ROBO2: variants seen among roughly 807,000 people sequenced by gnomAD.
ROBO2 encodes the protein roundabout homolog 2.
ROBO2 carries 53 observed loss-of-function variants against 160.8 expected under a neutral mutation model. The observed-to-expected ratio is 0.33, with a 90% CI of 0.26 to 0.41. The LOEUF (loss-of-function observed/expected upper bound fraction) is 0.41, where lower values mean the gene tolerates loss of function less well. Ranked by LOEUF, ROBO2 falls within the 10% of genes least tolerant of loss-of-function variation. The pLI is 1.00. For synonymous variants in ROBO2, 664 were observed against 611.7 expected (o/e 1.09, Z -1.26); for missense variants, 1,577 against 1,722.4 (o/e 0.92, Z 1.49).
chr3:76,843,584 A>T lies in ROBO2; in HGVS notation c.110-254430A>T, dbSNP rs182176994. Among the ~76,000 whole-genome samples the T allele has an allele frequency of 2.0e-5, 3 of 152,144 alleles. No individual in the cohort carries two copies. The East Asian group carries it at 5.8e-4, about 29-fold the overall frequency. ...TTATTTAGATTTGCATGATTTTTAC[A>T]TCAAAACTTTGGTAGTACTTTCAAG... On this transcript the variant is annotated intron_variant, in intron 2 of 26. Coordinates refer to the ROBO2 transcript ENST00000487694.
intron 2 of ROBO2, among the ~76,000 whole-genome samples, chr3:77,366,898 C>G (rs1052117848): frequency 3.4e-5 from 5 of 146,280 alleles, no homozygotes; most frequent in African/African-American, 1.3e-4. Flanking sequence ...ACAGCACCCC[C>G]CCGACACTCA....
At chr3:77,075,461 C>T (rs188084345) in intron 1 of ROBO2, among the ~76,000 whole-genome samples, 72 of 152,066 alleles carry the variant, frequency 4.7e-4, no homozygotes, top group African/African-American at 1.7e-3. Flanking sequence ...AGACTTGAAG[C>T]GGGGTAGGGT....
intron 2 of ROBO2, among the ~76,000 whole-genome samples, chr3:76,864,448 C>T (rs540498601): frequency 2.0e-5 from 3 of 151,752 alleles, no homozygotes; most frequent in Non-Finnish European, 4.4e-5. Flanking sequence ...CATGAGAATC[C>T]CATCGTTTCT....
At chr3:76,632,881 TAAC>T (rs1560273397) in intron 2 of ROBO2, among the ~76,000 whole-genome samples, 1 of 152,216 alleles carries the variant, frequency 6.6e-6, no homozygotes, top group Non-Finnish European at 1.5e-5. Flanking sequence ...GCTGTCACGA[TAAC>T]AATACAATGA....
intron 2 of ROBO2, among the ~76,000 whole-genome samples, chr3:77,116,047 G>A (rs2074165542): frequency 1.3e-5 from 2 of 152,130 alleles, no homozygotes; most frequent in African/African-American, 4.8e-5. Flanking sequence ...TTTTCTGCAG[G>A]GCTGCCAGTG....
At chr3:77,236,875 A>G (rs1333432383) in intron 2 of ROBO2, among the ~76,000 whole-genome samples, 4 of 152,128 alleles carry the variant, frequency 2.6e-5, no homozygotes, top group Admixed American at 2.6e-4. Flanking sequence ...CTTGATAACC[A>G]TTCCTTTGAG....
At chr3:77,553,982 G>T (rs914731993) in intron 8 of ROBO2, among the ~76,000 whole-genome samples, 2 of 151,986 alleles carry the variant, frequency 1.3e-5, no homozygotes, top group African/African-American at 2.4e-5. Flanking sequence ...ATTGAAAGAA[G>T]ATGTTACCTA....
intron 6 of ROBO2, among the ~76,000 whole-genome samples, chr3:77,537,394 T>A (rs986646124): frequency 2.0e-5 from 3 of 152,090 alleles, no homozygotes; most frequent in African/African-American, 7.2e-5. Context: ...TAGTAACATG[T>A]TTTGCTCATA....
chr3:77,505,482 C>T (rs188411715), intron 5 of ROBO2, among the ~76,000 whole-genome samples: 20 of 152,200 alleles, frequency 1.3e-4, no homozygotes, highest in Middle Eastern at 3.4e-3. Context: ...TATTCAGTCT[C>T]ATCATTTTTA....
intron 2 of ROBO2, among the ~76,000 whole-genome samples, chr3:76,208,329 C>A (rs991767980): frequency 6.6e-6 from 1 of 152,094 alleles, no homozygotes; most frequent in Admixed American, 6.6e-5. Context: ...TTATGTTGAC[C>A]TCAGAATTAA....
chr3:76,021,525 G>A (rs564976469), intron 2 of ROBO2, among the ~76,000 whole-genome samples: 6 of 151,616 alleles, frequency 4.0e-5, no homozygotes, highest in Non-Finnish European at 7.4e-5. Context: ...ATATACAGGC[G>A]TACCTTGGAG....
intron 2 of ROBO2, among the ~76,000 whole-genome samples, chr3:77,018,422 A>G (rs2062419227): frequency 6.6e-6 from 1 of 152,084 alleles, no homozygotes. Flanking sequence ...ACATGTACAC[A>G]CTCAATATGT....
chr3:76,550,918 T>TGG, intron 2 of ROBO2, among the ~76,000 whole-genome samples: 1 of 152,010 alleles, frequency 6.6e-6, no homozygotes, highest in Non-Finnish European at 1.5e-5. Flanking sequence ...CAACCCTTAG[T>TGG]GTGAACAGCC....
chr3:75,976,658 G>T (rs2107408311), intron 2 of ROBO2, among the ~76,000 whole-genome samples: 1 of 151,544 alleles, frequency 6.6e-6, no homozygotes, highest in East Asian at 2.0e-4. Context: ...TTGTCACAAA[G>T]AAAGAATGGG....
At chr3:76,513,622 T>C (rs547653739) in intron 2 of ROBO2, among the ~76,000 whole-genome samples, 7 of 152,350 alleles carry the variant, frequency 4.6e-5, no homozygotes, top group African/African-American at 1.7e-4. Context: ...AAATCAAATA[T>C]TGAATATAAT....
chr3:76,750,964 C>A (rs1273905198), intron 2 of ROBO2, among the ~76,000 whole-genome samples: 3 of 151,988 alleles, frequency 2.0e-5, no homozygotes, highest in Non-Finnish European at 4.4e-5. Context: ...TCATATGGAA[C>A]CTAAAAAGAG....
At chr3:77,569,698 CCTT>C (rs2093588883) in intron 13 of ROBO2, among the ~76,000 whole-genome samples, 1 of 152,028 alleles carries the variant, frequency 6.6e-6, no homozygotes, top group Non-Finnish European at 1.5e-5. Context: ...CATGAAGCCT[CCTT>C]CTTCCTTCTT....
chr3:77,456,147 C>T (rs754635397), intron 2 of ROBO2, among the ~76,000 whole-genome samples: 8 of 152,020 alleles, frequency 5.3e-5, no homozygotes, highest in Non-Finnish European at 8.8e-5. Flanking sequence ...TATAGAAAAC[C>T]ACACATAAAT....
intron 2 of ROBO2, among the ~76,000 whole-genome samples, chr3:76,032,425 T>C (rs1236982170): frequency 6.6e-6 from 1 of 152,174 alleles, no homozygotes; most frequent in African/African-American, 2.4e-5. Context: ...CTCTTGCTTC[T>C]CTAGTTCTTT....
Sources: gnomAD v4.1 joint callset for allele counts (sites outside exome capture counted in the v4.1 genomes callset) on GRCh38, gnomAD v4.1.1 for gene constraint, MANE v1.5 for transcripts, NCBI Gene and HGNC (gene_info 2026-07-23, HGNC 2026-07-21) for gene names.